Variants in INPP4B observed in about 807,000 individuals in gnomAD.
The protein encoded by INPP4B is inositol polyphosphate 4-phosphatase type II.
Under a neutral mutation model 122.5 loss-of-function variants are expected in INPP4B, and 55 were observed. That is an observed-to-expected ratio of 0.45 (90% confidence interval 0.36 to 0.56). INPP4B has a LOEUF of 0.56. INPP4B is among the 20% of genes least tolerant of loss of function. The pLI, the probability that INPP4B is intolerant of heterozygous loss-of-function variation, is 0.00. For missense variants in INPP4B, 1,000 were observed against 1,097.7 expected (o/e 0.91, Z 1.26); for synonymous variants, 403 against 388.7 (o/e 1.04, Z -0.43).
intron 3 of INPP4B, among the ~76,000 whole-genome samples, chr4:142,448,300 C>T (rs1033133190): frequency 1.6e-5 from 2 of 123,386 alleles, no homozygotes; most frequent in East Asian, 2.3e-4. Flanking sequence ...TATAAAGTGC[C>T]GAATCAATTA....
At chr4:142,801,979 T>C (rs1202647037) in intron 1 of INPP4B, among the ~76,000 whole-genome samples, 1 of 152,078 alleles carries the variant, frequency 6.6e-6, no homozygotes, top group Non-Finnish European at 1.5e-5. Flanking sequence ...GACCTAGGTG[T>C]CATCAACATA....
At chr4:142,832,219 G>T (rs888887467) in intron 1 of INPP4B, among the ~76,000 whole-genome samples, 6 of 152,104 alleles carry the variant, frequency 3.9e-5, no homozygotes, top group Admixed American at 3.9e-4. Flanking sequence ...TAAAATGACC[G>T]TGTAAATGAA....
At position 142,628,685 on chromosome 4, in the gene INPP4B, T is replaced by C. The variant is rs116013109; in HGVS notation, c.-191+97154A>G. Among the ~76,000 whole-genome samples the C allele has an allele frequency of 5.7e-3, 873 of 152,130 alleles. 15 individuals are homozygous for C. Among genetic ancestry groups the C allele is most frequent in the African/African-American group, 0.02 (838 of 41,524 alleles). ...TTTTTCTTTGATTCATCCTTTTTTA[T>C]AGACATTTCATAAGATATGGCCCCA... On this transcript the variant is annotated intron_variant, in intron 2 of 25. Coordinates refer to ENST00000262992, the MANE Select transcript of INPP4B (RefSeq NM_001101669.3).
chr4:142,538,307 G>T (rs1334428759), intron 2 of INPP4B, among the ~76,000 whole-genome samples: 4 of 152,104 alleles, frequency 2.6e-5, no homozygotes, highest in Non-Finnish European at 5.9e-5. Context: ...AAAGTGGTAA[G>T]ACATTGACAA....
intron 2 of INPP4B, chr4:142,518,943 A>C (rs1203876450): frequency 6.6e-6 from 1 of 152,216 alleles, no homozygotes; most frequent in African/African-American, 2.4e-5. Context: ...CTGGATCCCC[A>C]GAGTCTGTGT....
intron 8 of INPP4B, among the ~76,000 whole-genome samples, chr4:142,311,017 T>C (rs925962464): frequency 2.9e-4 from 44 of 152,076 alleles, no homozygotes; most frequent in Admixed American, 9.2e-4. Flanking sequence ...ACCTAACATA[T>C]TTGAAAGATT....
intron 2 of INPP4B, among the ~76,000 whole-genome samples, chr4:142,537,415 T>C (rs1251158074): frequency 2.1e-5 from 1 of 47,328 alleles, no homozygotes; most frequent in African/African-American, 7.1e-5. Flanking sequence ...TATATATATA[T>C]ATATATATAT....
chr4:142,547,484 C>A (rs1829772816), intron 2 of INPP4B, among the ~76,000 whole-genome samples: 1 of 152,182 alleles, frequency 6.6e-6, no homozygotes, highest in Admixed American at 6.5e-5. Flanking sequence ...TAATTTTCTG[C>A]AACCCAATTA....
intron 25 of INPP4B, among the ~76,000 whole-genome samples, chr4:142,068,900 A>G (rs1332290870): frequency 6.6e-6 from 1 of 152,198 alleles, no homozygotes; most frequent in Non-Finnish European, 1.5e-5. Flanking sequence ...TTAACACCCC[A>G]CTGTCAACAT....
intron 1 of INPP4B, among the ~76,000 whole-genome samples, chr4:142,835,330 A>G (rs1218507787): frequency 6.6e-6 from 1 of 152,212 alleles, no homozygotes; most frequent in Non-Finnish European, 1.5e-5. Flanking sequence ...AGGATAAACC[A>G]CAGGGCTCTT....
chr4:142,137,373 C>G (rs1233892157), intron 18 of INPP4B, among the ~76,000 whole-genome samples: 2 of 133,040 alleles, frequency 1.5e-5, no homozygotes, highest in African/African-American at 2.9e-5. Context: ...ACACCTTATA[C>G]AAAAATCAAT....
intron 2 of INPP4B, among the ~76,000 whole-genome samples, chr4:142,511,955 G>A (rs987700892): frequency 6.6e-6 from 1 of 152,020 alleles, no homozygotes; most frequent in African/African-American, 2.4e-5. Context: ...AAAACTTTGA[G>A]ATTTGTTTGA....
chr4:142,565,780 G>A (rs1731486698), intron 2 of INPP4B, among the ~76,000 whole-genome samples: 1 of 152,166 alleles, frequency 6.6e-6, no homozygotes, highest in African/African-American at 2.4e-5. Context: ...AGTGATCAAA[G>A]TTAACATTTT....
chr4:142,234,955 T>C (rs1218520179), intron 12 of INPP4B, among the ~76,000 whole-genome samples: 2 of 152,196 alleles, frequency 1.3e-5, no homozygotes, highest in Non-Finnish European at 2.9e-5. Flanking sequence ...AATACTTTGA[T>C]GTGTTCAAAT....
intron 5 of INPP4B, among the ~76,000 whole-genome samples, chr4:142,422,035 T>C (rs576252003): frequency 7.9e-5 from 12 of 152,206 alleles, no homozygotes; most frequent in African/African-American, 2.9e-4. Context: ...TCAGCTTCTG[T>C]AAGATCTTTA....
chr4:142,331,229 C>T (rs1579757428), intron 7 of INPP4B, among the ~76,000 whole-genome samples: 1 of 152,132 alleles, frequency 6.6e-6, no homozygotes, highest in Non-Finnish European at 1.5e-5. Context: ...ATTTCTGTGG[C>T]GTAAACACTC....
chr4:142,615,053 GGAAAA>G (rs1183389717), intron 2 of INPP4B, among the ~76,000 whole-genome samples: 3 of 152,088 alleles, frequency 2.0e-5, no homozygotes, highest in Non-Finnish European at 2.9e-5. Flanking sequence ...TCCACTCAAA[GGAAAA>G]GAAATCATTA....
intron 7 of INPP4B, among the ~76,000 whole-genome samples, chr4:142,338,698 A>G (rs974778135): frequency 4.6e-5 from 7 of 152,122 alleles, no homozygotes; most frequent in Admixed American, 1.3e-4. Context: ...TGCTATCTAT[A>G]TATTTTTATC....
chr4:142,449,487 A>T (rs1813669851), intron 3 of INPP4B, among the ~76,000 whole-genome samples: 1 of 151,998 alleles, frequency 6.6e-6, no homozygotes, highest in African/African-American at 2.4e-5. Flanking sequence ...GTGGATCATG[A>T]GGTCAAGAGA....
Sources: gnomAD v4.1 joint callset for allele counts (sites outside exome capture counted in the v4.1 genomes callset) on GRCh38, gnomAD v4.1.1 for gene constraint, MANE v1.5 for transcripts, NCBI Gene and HGNC (gene_info 2026-07-23, HGNC 2026-07-21) for gene names.